Variants in NLGN1 observed in about 807,000 individuals in gnomAD.
The protein encoded by NLGN1 is neuroligin 1.
In NLGN1, 12 loss-of-function variants were observed where a neutral mutation model predicts 65.5. That is an observed-to-expected ratio of 0.18 (90% CI 0.12 to 0.30). The LOEUF (loss-of-function observed/expected upper bound fraction) is 0.30, where lower values mean the gene tolerates loss of function less well. NLGN1 is among the 10% of genes least tolerant of loss of function. The pLI is 1.00. For synonymous variants in NLGN1, 350 were observed against 359.5 expected, an observed-to-expected ratio of 0.97 and a Z score of 0.30; for missense variants, 750 against 1,007.1, an observed-to-expected ratio of 0.74 and a Z score of 3.46.
At chr3:173,500,197 A>T (rs992099947) in intron 2 of NLGN1, among the ~76,000 whole-genome samples, 1 of 152,130 alleles carries the variant, frequency 6.6e-6, no homozygotes, top group African/African-American at 2.4e-5. Context: ...TTTGTCATAG[A>T]TAGCTCTTAT....
intron 4 of NLGN1, among the ~76,000 whole-genome samples, chr3:174,265,454 C>T (rs936168282): frequency 3.9e-5 from 6 of 152,200 alleles, no homozygotes; most frequent in African/African-American, 1.2e-4. Context: ...CAGGTGCGTC[C>T]GTCACCCCTT....
intron 3 of NLGN1, among the ~76,000 whole-genome samples, chr3:173,746,214 G>A (rs1233488543): frequency 1.3e-5 from 2 of 151,976 alleles, no homozygotes; most frequent in African/African-American, 4.8e-5. Flanking sequence ...GAGCCCTTGA[G>A]CCTTGGAGTT....
intron 2 of NLGN1, among the ~76,000 whole-genome samples, chr3:173,570,429 A>C (rs916686483): frequency 6.6e-6 from 1 of 152,214 alleles, no homozygotes; most frequent in Non-Finnish European, 1.5e-5. Flanking sequence ...ATTCACAACC[A>C]TGTGATCTGG....
chr3:173,496,800 A>T (rs946996993), intron 2 of NLGN1, among the ~76,000 whole-genome samples: 1 of 152,008 alleles, frequency 6.6e-6, no homozygotes, highest in Admixed American at 6.5e-5. Context: ...AAGAAATAAG[A>T]CTTCGTATTG....
chr3:173,895,010 T>TA (rs1560578685), intron 4 of NLGN1, among the ~76,000 whole-genome samples: 1 of 152,194 alleles, frequency 6.6e-6, no homozygotes, highest in African/African-American at 2.4e-5. Flanking sequence ...ATCAGCGTAT[T>TA]ACAAAGACTG....
intron 4 of NLGN1, among the ~76,000 whole-genome samples, chr3:173,903,319 T>C (rs1268006664): frequency 6.6e-6 from 1 of 152,064 alleles, no homozygotes; most frequent in Non-Finnish European, 1.5e-5. Flanking sequence ...ACTCAGCTAC[T>C]GACTGAATGA....
At chr3:173,464,843 A>G (rs1724057928) in intron 2 of NLGN1, among the ~76,000 whole-genome samples, 1 of 151,830 alleles carries the variant, frequency 6.6e-6, no homozygotes, top group Non-Finnish European at 1.5e-5. Flanking sequence ...TAGTCTTCAA[A>G]TGACCTATTT....
chr3:173,806,577 T>G (rs946274244), intron 3 of NLGN1, among the ~76,000 whole-genome samples: 1 of 152,272 alleles, frequency 6.6e-6, no homozygotes, highest in Non-Finnish European at 1.5e-5. Flanking sequence ...ATGTTTTCTT[T>G]ATGTATATAT....
At chr3:174,141,003 G>A (rs1722182203) in intron 4 of NLGN1, among the ~76,000 whole-genome samples, 1 of 152,022 alleles carries the variant, frequency 6.6e-6, no homozygotes, top group Non-Finnish European at 1.5e-5. Context: ...AAGCCAAATA[G>A]TGCAATTTCA....
At chr3:173,996,277 T>C (rs1473460446) in intron 4 of NLGN1, among the ~76,000 whole-genome samples, 3 of 152,168 alleles carry the variant, frequency 2.0e-5, no homozygotes, top group Admixed American at 6.5e-5. Context: ...TTGCTGTATA[T>C]ATAGTGCAAG....
intron 4 of NLGN1, among the ~76,000 whole-genome samples, chr3:173,958,288 C>A (rs1218254736): frequency 1.3e-5 from 2 of 152,168 alleles, no homozygotes; most frequent in Non-Finnish European, 1.5e-5. Context: ...AGTACATGGA[C>A]AAGTGGAGGT....
At chr3:174,171,010 T>C (rs1374103330) in intron 4 of NLGN1, among the ~76,000 whole-genome samples, 3 of 152,150 alleles carry the variant, frequency 2.0e-5, no homozygotes, top group African/African-American at 7.2e-5. Flanking sequence ...TCACAAACTC[T>C]ATTAATCGTC....
intron 4 of NLGN1, among the ~76,000 whole-genome samples, chr3:174,031,032 C>T (rs1729922593): frequency 6.6e-6 from 1 of 152,184 alleles, no homozygotes. Context: ...GGAAGGCTTA[C>T]ATATGGAAGA....
intron 2 of NLGN1, among the ~76,000 whole-genome samples, chr3:173,594,417 AT>A (rs1749090487): frequency 6.6e-6 from 1 of 152,216 alleles, no homozygotes; most frequent in South Asian, 2.1e-4. Context: ...CAGGTCTCAC[AT>A]CCAGGTCACA....
chr3:173,967,628 G>A (rs138591955), intron 4 of NLGN1, among the ~76,000 whole-genome samples: 4 of 152,120 alleles, frequency 2.6e-5, no homozygotes, highest in Non-Finnish European at 5.9e-5. Flanking sequence ...TCTTTGGCAT[G>A]TTCTCTATAA....
chr3:173,948,357 C>T (rs1233603085), intron 4 of NLGN1, among the ~76,000 whole-genome samples: 1 of 152,126 alleles, frequency 6.6e-6, no homozygotes, highest in Admixed American at 6.5e-5. Context: ...ATCATTACGG[C>T]AGAGACAATG....
At chr3:174,128,000 T>C (rs1276278783) in intron 4 of NLGN1, among the ~76,000 whole-genome samples, 1 of 152,172 alleles carries the variant, frequency 6.6e-6, no homozygotes, top group Non-Finnish European at 1.5e-5. Context: ...GCCACTTTGT[T>C]CTGTCATTTT....
At chr3:174,229,838 G>T (rs1190968520) in intron 4 of NLGN1, among the ~76,000 whole-genome samples, 2 of 152,120 alleles carry the variant, frequency 1.3e-5, no homozygotes, top group Non-Finnish European at 2.9e-5. Flanking sequence ...TTTTACATAA[G>T]CCTCTTGCTT....
intron 2 of NLGN1, among the ~76,000 whole-genome samples, chr3:173,484,377 A>G (rs909219194): frequency 6.6e-6 from 1 of 152,160 alleles, no homozygotes; most frequent in Non-Finnish European, 1.5e-5. Flanking sequence ...TTTGTTATAA[A>G]TTCTCTTAAA....
Sources: gnomAD v4.1 joint callset for allele counts (sites outside exome capture counted in the v4.1 genomes callset) on GRCh38, gnomAD v4.1.1 for gene constraint, MANE v1.5 for transcripts, NCBI Gene and HGNC (gene_info 2026-07-23, HGNC 2026-07-21) for gene names.